The following HIBCH variants were observed in gnomAD, a reference collection of about 807,000 sequenced individuals.
The protein encoded by HIBCH is 3-hydroxyisobutyryl-CoA hydrolase.
Under a neutral mutation model 58.2 loss-of-function variants are expected in HIBCH, and 50 were observed. The ratio of observed to expected loss-of-function variants is 0.86; its 90% confidence interval spans 0.68 to 1.09. The LOEUF is 1.09. Among genes scored for constraint, HIBCH ranks in the 50% least tolerant of loss-of-function variants. The pLI, the probability that HIBCH is intolerant of heterozygous loss-of-function variation, is 0.00. For synonymous variants in HIBCH, 151 were observed against 146.9 expected, an observed-to-expected ratio of 1.03 and a Z score of -0.20; for missense variants, 450 against 449.7, an observed-to-expected ratio of 1.00 and a Z score of -0.01.
In HIBCH at chr2:190,215,971, GA is replaced by G. The variant is rs1379719404; in HGVS notation, c.892-2897del. On this transcript the variant is annotated intron_variant, in intron 11 of 13. Transcript: ENST00000359678. The surrounding 1 kb of genome is among the most constrained non-coding windows in gnomAD (Gnocchi z 4.4). Reference sequence around the variant, plus strand: ...TCATGCCCAGAGAGAGAAAGAGGAAGAAACTGAGTTTGAGGGAAAAAGGAAA... The same window carrying G: ...TCATGCCCAGAGAGAGAAAGAGGAAGAACTGAGTTTGAGGGAAAAAGGAAA... The G allele has an allele frequency of 6.6e-6, 1 of 152,320 alleles. No homozygotes were observed. Among genetic ancestry groups the G allele is most frequent in the Non-Finnish European group, 1.5e-5 (1 of 68,262 alleles). 9.4% of individuals were successfully genotyped at this position (152,320 alleles called of 1,614,324 possible).
At chr2:190,225,366 C>T (rs1198312655) in intron 11 of HIBCH, among the ~76,000 whole-genome samples, 2 of 152,036 alleles carry the variant, frequency 1.3e-5, no homozygotes, top group East Asian at 1.9e-4. Context: ...AATTGATAGA[C>T]AGCTAGCAAG....
In HIBCH at chr2:190,236,543, A is replaced by C. The variant is rs1199167967; in HGVS notation, c.891+8344T>G. Reference sequence around the variant, plus strand: ...CAAATACAAAATATTTAAAACAAGAACAAGTCAATGTCTATTTCATTGACT... The same window carrying C: ...CAAATACAAAATATTTAAAACAAGACCAAGTCAATGTCTATTTCATTGACT... On this transcript the variant is annotated intron_variant, in intron 11 of 13. Coordinates refer to ENST00000359678, the MANE Select transcript of HIBCH (RefSeq NM_014362.4). The surrounding 1 kb of genome is among the most constrained non-coding windows in gnomAD (Gnocchi z 4.1). 6.6e-6 allele frequency among the ~76,000 whole-genome samples: 1 copy of C among 152,212 alleles called. No individual in the cohort carries two copies. The highest frequency in any genetic ancestry group is 1.5e-5 in the Non-Finnish European group (1 of 68,022).
intron 1 of HIBCH, 63 bp from the exon 2 acceptor site, chr2:190,310,859 T>A: frequency 8.8e-7 from 1 of 1,132,688 alleles, no homozygotes; most frequent in Non-Finnish European, 1.3e-6. Context: ...AGTTGACAAA[T>A]AGTATATCAC....
At chr2:190,239,653 T>TTTTTTTTGTTTTTTTTG (rs1553498931) in intron 11 of HIBCH, among the ~76,000 whole-genome samples, 10 of 148,774 alleles carry the variant, frequency 6.7e-5, no homozygotes, top group African/African-American at 2.5e-4. Flanking sequence ...TGTAGTTTTT[T>TTTTTTTTGTTTTTTTTG]TTTTTTTTTT....
At chr2:190,249,982 T>C (rs760138772) in intron 8 of HIBCH, among the ~76,000 whole-genome samples, 14 of 152,196 alleles carry the variant, frequency 9.2e-5, no homozygotes, top group Admixed American at 2.0e-4. Context: ...TCTCAGCCTA[T>C]TGAGTACTTG....
chr2:190,264,497 C>T (rs1687177064), intron 6 of HIBCH, among the ~76,000 whole-genome samples: 2 of 152,176 alleles, frequency 1.3e-5, no homozygotes, highest in African/African-American at 2.4e-5. Context: ...ATCTTGACCT[C>T]TAACAAAGGA....
chr2:190,312,033 A>G (rs979826377), intron 1 of HIBCH, among the ~76,000 whole-genome samples: 43 of 152,222 alleles, frequency 2.8e-4, no homozygotes, highest in African/African-American at 9.4e-4. Context: ...GACTGCAGGT[A>G]TAAGTTCACT....
rs540614036 is a variant in HIBCH at position 190,190,873 on chromosome 2, G to A, written c.*18-876C>T. ...ATTTGTTACAGCCACCACCACAATC[G>A]GGATAAAGAATAGTTACATCACTCC... On this transcript the variant is annotated intron_variant, in intron 1 of 1. Coordinates refer to the HIBCH transcript ENST00000399855. Among the ~76,000 whole-genome samples, 9 of 152,132 alleles carry A rather than the reference G, an allele frequency of 5.9e-5. No homozygotes were observed. The South Asian group carries it at 1.5e-3, about 25-fold the overall frequency.
chr2:190,284,557 TTTTTA>T (rs1257329751), intron 6 of HIBCH, among the ~76,000 whole-genome samples: 2 of 152,216 alleles, frequency 1.3e-5, no homozygotes, highest in Admixed American at 6.5e-5. Flanking sequence ...TCTGATAATA[TTTTTA>T]TTTTATATTT....
rs185445741 is a variant in HIBCH at position 190,315,175 on chromosome 2, C to T, written c.36-4379G>A. ...TGTTAGCCAGCATGGTCATGATCTC[C>T]TGACTTCTTTCTTGATCCGCCCGCC... On this transcript the variant is annotated intron_variant, in intron 1 of 13. Coordinates refer to ENST00000359678, the MANE Select transcript of HIBCH (RefSeq NM_014362.4). This position sits in a 1 kb window ranked among gnomAD's most constrained non-coding sequence, Gnocchi z 5.4. 1.3e-3 allele frequency among the ~76,000 whole-genome samples: 200 copies of T among 152,034 alleles called. 1 individual carries two copies. Among genetic ancestry groups the T allele is most frequent in the Non-Finnish European group, 2.3e-3 (158 of 67,956 alleles).
intron 6 of HIBCH, among the ~76,000 whole-genome samples, chr2:190,284,641 T>C (rs983075227): frequency 4.6e-5 from 7 of 152,216 alleles, no homozygotes; most frequent in Admixed American, 2.0e-4. Flanking sequence ...TCTCAACCCA[T>C]TGACTTCTGT....
At chr2:190,289,722 T>G (rs1451816830) in intron 5 of HIBCH, among the ~76,000 whole-genome samples, 1 of 152,064 alleles carries the variant, frequency 6.6e-6, no homozygotes, top group Non-Finnish European at 1.5e-5. Flanking sequence ...TAGATAAAAG[T>G]ACTGCTTCAC....
chr2:190,263,383 T>C (rs543771928), intron 6 of HIBCH, among the ~76,000 whole-genome samples: 6 of 152,178 alleles, frequency 3.9e-5, no homozygotes, highest in Non-Finnish European at 7.3e-5. Context: ...TTACTGGGCT[T>C]TGAGGCACCA....
intron 1 of HIBCH, among the ~76,000 whole-genome samples, chr2:190,313,113 T>C (rs750958368): frequency 3.6e-4 from 55 of 152,344 alleles, no homozygotes; most frequent in Admixed American, 2.6e-3. Context: ...AATAATAATT[T>C]CTTTTAAAGA....
At chr2:190,263,360 T>C (rs748220332) in intron 6 of HIBCH, among the ~76,000 whole-genome samples, 39 of 152,206 alleles carry the variant, frequency 2.6e-4, no homozygotes, top group Non-Finnish European at 4.6e-4. Context: ...TCATTCCTAC[T>C]TTATGAAATG....
intron 11 of HIBCH, among the ~76,000 whole-genome samples, chr2:190,225,417 A>G (rs1162272047): frequency 1.3e-5 from 2 of 152,228 alleles, no homozygotes; most frequent in Non-Finnish European, 2.9e-5. Flanking sequence ...AATAGACGCA[A>G]TAAAAAATGA....
chr2:190,205,289 TTTAC>T, intron 13 of HIBCH, 57 bp from the exon 14 acceptor site: 3 of 973,378 alleles, frequency 3.1e-6, no homozygotes, highest in Admixed American at 1.9e-5. Context: ...ATTGCTAGAT[TTTAC>T]TTACTGAATT....
At chr2:190,318,788 T>C (rs1417909507) in intron 1 of HIBCH, among the ~76,000 whole-genome samples, 1 of 152,174 alleles carries the variant, frequency 6.6e-6, no homozygotes, top group African/African-American at 2.4e-5. Context: ...CATGAGCTGG[T>C]GCAAGGACAA....
chr2:190,253,574 T>G (rs1575727270), intron 7 of HIBCH, among the ~76,000 whole-genome samples: 1 of 152,120 alleles, frequency 6.6e-6, no homozygotes, highest in African/African-American at 2.4e-5. Flanking sequence ...ACCATCCCCT[T>G]AATCCCCATC....
Sources: allele counts gnomAD v4.1 joint callset (sites outside exome capture counted in the v4.1 genomes callset), GRCh38; gene constraint gnomAD v4.1.1; non-coding constraint Gnocchi (gnomAD v3.1); transcripts MANE v1.5; gene names NCBI Gene and HGNC (gene_info 2026-07-23, HGNC 2026-07-21).